Variants in SLC36A1 observed in about 807,000 individuals in gnomAD.
SLC36A1 encodes the protein proton-coupled amino acid transporter 1.
Under a neutral mutation model 47.5 loss-of-function variants are expected in SLC36A1, and 30 were observed. The observed-to-expected ratio is 0.63, with a 90% CI of 0.47 to 0.86. The LOEUF is 0.86. Ranked by LOEUF, SLC36A1 falls within the 40% of genes least tolerant of loss-of-function variation. SLC36A1 has a pLI of 0.00. For synonymous variants in SLC36A1, 255 were observed against 249.7 expected (o/e 1.02, Z -0.20); for missense variants, 517 against 606.0 (o/e 0.85, Z 1.54).
chr5:151,521,726 C>A, the SLC36A1 span: 1 of 1,614,020 alleles, frequency 6.2e-7, no homozygotes, highest in Non-Finnish European at 8.5e-7. Flanking sequence ...GCCTCCTGCC[C>A]CACATGCCAC....
At chr5:151,431,673 C>T in the SLC36A1 span, among the ~76,000 whole-genome samples, 1 of 152,212 alleles carries the variant, frequency 6.6e-6, no homozygotes, top group South Asian at 2.1e-4. Context: ...TCTCCCTGCA[C>T]AAACCTTCTT....
the SLC36A1 span, chr5:151,525,970 G>C: frequency 6.2e-7 from 1 of 1,613,624 alleles, no homozygotes; most frequent in South Asian, 1.1e-5. Flanking sequence ...GTTCTCCTGA[G>C]ACCGAGAGTG....
At chr5:151,499,387 G>T in the SLC36A1 span, among the ~76,000 whole-genome samples, 2 of 152,216 alleles carry the variant, frequency 1.3e-5, no homozygotes, top group African/African-American at 4.8e-5. Flanking sequence ...CATTGCACCA[G>T]TGTTTCAAGT....
the SLC36A1 span, among the ~76,000 whole-genome samples, chr5:151,400,626 G>A: frequency 6.6e-6 from 1 of 152,132 alleles, no homozygotes; most frequent in African/African-American, 2.4e-5. Flanking sequence ...TCCACCAACA[G>A]TGTATAAGTA....
chr5:151,510,863 T>C, the SLC36A1 span: 1 of 152,108 alleles, frequency 6.6e-6, no homozygotes, highest in South Asian at 2.1e-4. Flanking sequence ...GGGAAGGGTG[T>C]GGCATGGTCA....
the SLC36A1 span, among the ~76,000 whole-genome samples, chr5:151,541,380 A>G: frequency 1.3e-5 from 2 of 152,196 alleles, no homozygotes; most frequent in African/African-American, 4.8e-5. Context: ...AGATTTTAAG[A>G]CTTCTGTGTT....
intron 10 of SLC36A1, among the ~76,000 whole-genome samples, chr5:151,482,449 A>T (rs1561782890): frequency 1.3e-5 from 2 of 152,240 alleles, no homozygotes; most frequent in Non-Finnish European, 2.9e-5. Context: ...AAAAAAAGAA[A>T]GTCAATGTAA....
At chr5:151,416,321 C>T in the SLC36A1 span, among the ~76,000 whole-genome samples, 1 of 152,214 alleles carries the variant, frequency 6.6e-6, no homozygotes, top group Non-Finnish European at 1.5e-5. Flanking sequence ...CTCCACTGCC[C>T]AAGTCCTGGG....
chr5:151,478,382 A>T lies in SLC36A1; in HGVS notation c.990-938A>T, dbSNP rs147853922. Among the ~76,000 whole-genome samples, 240 of 152,338 alleles carry T rather than the reference A, an allele frequency of 1.6e-3. 1 individual carries two copies. Among genetic ancestry groups the T allele is most frequent in the African/African-American group, 5.1e-3 (213 of 41,584 alleles). On this transcript the variant is annotated intron_variant, in intron 9 of 10. Transcript: ENST00000243389. Reference sequence around the variant, plus strand: ...TTTTCCTACTCTGTGCAGTCAAGGCACTGGAGTAATAAAATAGGGATATCC... The same window carrying T: ...TTTTCCTACTCTGTGCAGTCAAGGCTCTGGAGTAATAAAATAGGGATATCC...
intron 7 of SLC36A1, among the ~76,000 whole-genome samples, chr5:151,471,830 C>T (rs1303287696): frequency 6.6e-6 from 1 of 152,208 alleles, no homozygotes; most frequent in Non-Finnish European, 1.5e-5. Flanking sequence ...CTGTTAAGAG[C>T]ATGCCCCGTA....
chr5:151,544,030 A>G, the SLC36A1 span: 1 of 1,614,132 alleles, frequency 6.2e-7, no homozygotes, highest in Non-Finnish European at 8.5e-7. Context: ...CACATTGACA[A>G]CCACAAGGGT....
the SLC36A1 span, among the ~76,000 whole-genome samples, chr5:151,407,101 G>A: frequency 1.3e-5 from 2 of 152,152 alleles, no homozygotes. Context: ...GCAGACCTTT[G>A]CAGCGAATGT....
chr5:151,537,439 A>AGAGGGGAGGG, the SLC36A1 span, among the ~76,000 whole-genome samples: 48 of 146,952 alleles, frequency 3.3e-4, no homozygotes, highest in African/African-American at 1.2e-3. Context: ...AGAGGAAAGG[A>AGAGGGGAGGG]GAGGGGAGGG....
At chr5:151,458,562 A>G (rs188232937) in intron 1 of SLC36A1, among the ~76,000 whole-genome samples, 1 of 152,144 alleles carries the variant, frequency 6.6e-6, no homozygotes, top group African/African-American at 2.4e-5. Context: ...CACCACGTAT[A>G]CCAATGGGAA....
At chr5:151,436,211 A>G (rs776583058), upstream of SLC36A1, among the ~76,000 whole-genome samples, 12 of 152,200 alleles carry the variant, frequency 7.9e-5, no homozygotes, top group Non-Finnish European at 1.5e-4. Context: ...CTTACCCAGA[A>G]AGTTTCTTTT....
Position 151,488,009 on chromosome 5 carries a change from C to A in SLC36A1, c.1186C>A (p.Leu396Met), listed in dbSNP as rs774560779. 1 of 1,614,176 alleles carries A rather than the reference C, an allele frequency of 6.2e-7. No individual in the cohort carries two copies. The highest frequency in any genetic ancestry group is 1.7e-5 in the Admixed American group (1 of 60,028). The change falls in exon 11 of 11, where the codon CTG becomes ATG. Residue 396 changes from leucine (L) to methionine (M), a missense_variant. By Grantham distance (15) the Leu-to-Met change is conservative. Coordinates refer to ENST00000243389, the MANE Select transcript of SLC36A1 (RefSeq NM_078483.4). Reference sequence around the variant, plus strand: ...CATCTTGGCCATCCTCATCCCCCGCCTGGACCTGGTCATCTCCCTGGTGGG... The same window carrying A: ...CATCTTGGCCATCCTCATCCCCCGCATGGACCTGGTCATCTCCCTGGTGGG... ...TCILAILIPR[L>M]DLVISLVGSV...
chr5:151,516,179 A>G, the SLC36A1 span, among the ~76,000 whole-genome samples: 1 of 152,128 alleles, frequency 6.6e-6, no homozygotes, highest in Non-Finnish European at 1.5e-5. Flanking sequence ...TTATTATCTC[A>G]ATGAAAGCTT....
At chr5:151,428,402 G>A in the SLC36A1 span, among the ~76,000 whole-genome samples, 2 of 152,116 alleles carry the variant, frequency 1.3e-5, no homozygotes, top group Non-Finnish European at 1.5e-5. Flanking sequence ...GAGGAGCAAG[G>A]GGTGGCCTAG....
intron 3 of SLC36A1, 30 bp downstream of exon 3, chr5:151,463,673 G>T (rs771406320): frequency 2.5e-6 from 4 of 1,570,664 alleles, no homozygotes; most frequent in Non-Finnish European, 2.6e-6. Flanking sequence ...GAGAGGAGTG[G>T]TGACAAATTT....
Sources: allele counts gnomAD v4.1 joint callset (sites outside exome capture counted in the v4.1 genomes callset), GRCh38; gene constraint gnomAD v4.1.1; transcripts MANE v1.5; gene names NCBI Gene and HGNC (gene_info 2026-07-23, HGNC 2026-07-21).